Variants in PRKN observed in about 807,000 individuals in gnomAD.
PRKN encodes the protein parkin RBR E3 ubiquitin protein ligase.
Under a neutral mutation model 59.5 loss-of-function variants are expected in PRKN, and 56 were observed. The observed-to-expected ratio is 0.94, with a 90% CI of 0.76 to 1.18. The LOEUF is 1.18. Among genes scored for constraint, PRKN ranks in the 50% most tolerant of loss-of-function variants. PRKN has a pLI of 0.00. For missense variants in PRKN, 657 were observed against 596.4 expected, an observed-to-expected ratio of 1.10 and a Z score of -1.06; for synonymous variants, 250 against 222.1, an observed-to-expected ratio of 1.13 and a Z score of -1.12.
intron 7 of PRKN, among the ~76,000 whole-genome samples, chr6:161,656,486 A>G (rs1784356961): frequency 6.6e-6 from 1 of 152,076 alleles, no homozygotes; most frequent in Non-Finnish European, 1.5e-5. Context: ...AGCACCCCCC[A>G]CTGCTCTGAG....
intron 1 of PRKN, among the ~76,000 whole-genome samples, chr6:162,477,637 T>C (rs1792087778): frequency 6.6e-6 from 1 of 152,134 alleles, no homozygotes; most frequent in Non-Finnish European, 1.5e-5. Flanking sequence ...CACCTATTTC[T>C]TGCTATACTT....
intron 4 of PRKN, among the ~76,000 whole-genome samples, chr6:162,120,111 A>G (rs2128305227): frequency 6.6e-6 from 1 of 152,232 alleles, no homozygotes; most frequent in African/African-American, 2.4e-5. Flanking sequence ...TCAACTTCTC[A>G]GGCTCCAGTG....
At chr6:162,693,412 G>A (rs1192045223) in intron 1 of PRKN, among the ~76,000 whole-genome samples, 1 of 152,200 alleles carries the variant, frequency 6.6e-6, no homozygotes, top group East Asian at 1.9e-4. Flanking sequence ...ATAAAGGAAA[G>A]GTTTTTCTCA....
intron 4 of PRKN, among the ~76,000 whole-genome samples, chr6:162,172,730 G>C (rs116601343): frequency 0.017 from 2,608 of 152,168 alleles, 72 homozygotes; most frequent in African/African-American, 0.058. Flanking sequence ...TTACAAAAGT[G>C]ACAGGTTCCT....
chr6:162,184,239 G>A (rs1783925723), intron 4 of PRKN, among the ~76,000 whole-genome samples: 1 of 152,104 alleles, frequency 6.6e-6, no homozygotes, highest in Non-Finnish European at 1.5e-5. Context: ...ATTACTGATT[G>A]CATAATAGGA....
intron 1 of PRKN, among the ~76,000 whole-genome samples, chr6:162,447,861 A>T (rs1790396561): frequency 6.6e-6 from 1 of 152,122 alleles, no homozygotes. Context: ...GGATGATGCA[A>T]GCCAATCTGT....
At chr6:162,087,838 C>T (rs1285059147) in intron 4 of PRKN, among the ~76,000 whole-genome samples, 2 of 151,924 alleles carry the variant, frequency 1.3e-5, no homozygotes, top group African/African-American at 2.4e-5. Context: ...GTGATCCACC[C>T]GCCTCAGCCT....
chr6:161,511,386 A>G (rs887761414), intron 9 of PRKN, among the ~76,000 whole-genome samples: 3 of 152,206 alleles, frequency 2.0e-5, no homozygotes, highest in African/African-American at 7.2e-5. Context: ...TTCCCTTCCA[A>G]TAGAATATAA....
At position 161,961,519 on chromosome 6, in the gene PRKN, C is replaced by A. The variant is rs906787819; in HGVS notation, c.734+11783G>T. On this transcript the variant is annotated intron_variant, in intron 6 of 11. Transcript: ENST00000366898. ...AAAAGAATCTTGGGGAAAACTTAGC[C>A]TAAAGAAATAAAGTTTGGGTCCCTG... Among the ~76,000 whole-genome samples, 4 of 152,102 alleles carry A rather than the reference C, an allele frequency of 2.6e-5. No individual in the cohort carries two copies. The East Asian group carries it at 5.8e-4, about 22-fold the overall frequency.
chr6:161,515,309 T>C (rs566432121), intron 9 of PRKN, among the ~76,000 whole-genome samples: 50 of 152,342 alleles, frequency 3.3e-4, no homozygotes, highest in Admixed American at 3.0e-3. Flanking sequence ...TGACCAATAA[T>C]AACACCGTAT....
rs1789481381 is a variant in PRKN at position 161,446,145 on chromosome 6, G to A, written c.1084-59268C>T. ...GGTGGGAGGATCATCTGAGCCTGGG[G>A]AGGTCGAGGCCACAGTAAGCTAGGA... is the stretch of plus-strand genomic sequence containing the variant. On this transcript the variant is annotated intron_variant, in intron 9 of 11. Transcript: ENST00000366898. The surrounding 1 kb of genome is among the most constrained non-coding windows in gnomAD (Gnocchi z 6.2). 6.6e-6 allele frequency among the ~76,000 whole-genome samples: 1 copy of A among 152,158 alleles called. No homozygotes were observed. Among genetic ancestry groups the A allele is most frequent in the Non-Finnish European group, 1.5e-5 (1 of 68,032 alleles).
chr6:162,360,119 G>A (rs997803357), intron 2 of PRKN, among the ~76,000 whole-genome samples: 5 of 152,024 alleles, frequency 3.3e-5, no homozygotes, highest in Non-Finnish European at 5.9e-5. Context: ...GGGTGCGGGT[G>A]TGGGTGTGTG....
chr6:162,133,762 G>A (rs536795071), intron 4 of PRKN, among the ~76,000 whole-genome samples: 9 of 152,166 alleles, frequency 5.9e-5, no homozygotes, highest in Admixed American at 1.3e-4. Flanking sequence ...TGTGGCCGGT[G>A]TGCATTCGGC....
At chr6:162,102,804 G>C (rs911171032) in intron 4 of PRKN, among the ~76,000 whole-genome samples, 9 of 144,356 alleles carry the variant, frequency 6.2e-5, no homozygotes, top group African/African-American at 1.2e-4. Context: ...AGCACTTTGG[G>C]AGGCCGAGGC....
At position 162,299,252 on chromosome 6, in the gene PRKN, G is replaced by A. The variant is rs563359870; in HGVS notation, c.172-36487C>T. Among the ~76,000 whole-genome samples the A allele has an allele frequency of 7.9e-5, 12 of 152,308 alleles. No homozygotes were observed. In the South Asian group the frequency reaches 2.3e-3, roughly 29 times the overall value. Reference sequence around the variant, plus strand: ...CTGCCCATGACACGGCTCACTGTGAGCTCCCGACTTAGATTCAATGCCAGA... The same window carrying A: ...CTGCCCATGACACGGCTCACTGTGAACTCCCGACTTAGATTCAATGCCAGA... On this transcript the variant is annotated intron_variant, in intron 2 of 11. Transcript: ENST00000366898.
intron 6 of PRKN, among the ~76,000 whole-genome samples, chr6:161,947,935 A>G (rs183565841): frequency 6.6e-6 from 1 of 152,174 alleles, no homozygotes; most frequent in East Asian, 1.9e-4. Context: ...GAGAATATCT[A>G]TTTTGCATTT....
At chr6:162,681,907 C>T (rs1044821100) in intron 1 of PRKN, among the ~76,000 whole-genome samples, 1 of 152,050 alleles carries the variant, frequency 6.6e-6, no homozygotes, top group African/African-American at 2.4e-5. Context: ...TTTGTTGCTT[C>T]ATTCTTTCCT....
intron 2 of PRKN, among the ~76,000 whole-genome samples, chr6:162,339,243 T>TGG (rs1196462167): frequency 1.2e-5 from 1 of 86,214 alleles, no homozygotes; most frequent in African/African-American, 4.5e-5. Flanking sequence ...AGGGAGGTGG[T>TGG]GGGGGTCAGC....
At chr6:161,670,768 A>G (rs1398321346) in intron 7 of PRKN, among the ~76,000 whole-genome samples, 1 of 152,146 alleles carries the variant, frequency 6.6e-6, no homozygotes, top group Admixed American at 6.5e-5. Context: ...GTGAGCTGAA[A>G]TAATGCCACT....
Sources: allele counts gnomAD v4.1 joint callset (sites outside exome capture counted in the v4.1 genomes callset), GRCh38; gene constraint gnomAD v4.1.1; non-coding constraint Gnocchi (gnomAD v3.1); transcripts MANE v1.5; gene names NCBI Gene and HGNC (gene_info 2026-07-23, HGNC 2026-07-21).